METTL24: variants seen among roughly 807,000 people sequenced by gnomAD.
METTL24 encodes probable methyltransferase-like protein 24.
Under a neutral mutation model 32.7 loss-of-function variants are expected in METTL24, and 29 were observed. That is an observed-to-expected ratio of 0.89 (90% CI 0.66 to 1.21). The LOEUF (loss-of-function observed/expected upper bound fraction) is 1.21. Ranked by LOEUF, METTL24 falls within the 50% of genes most tolerant of loss-of-function variation. METTL24 has a pLI of 0.00. For synonymous variants in METTL24, 163 were observed against 179.5 expected, an observed-to-expected ratio of 0.91 and a Z score of 0.73; for missense variants, 439 against 468.1, an observed-to-expected ratio of 0.94 and a Z score of 0.57.
intron 2 of METTL24, among the ~76,000 whole-genome samples, chr6:110,318,588 G>T (rs552464264): frequency 6.7e-6 from 1 of 148,730 alleles, no homozygotes; most frequent in South Asian, 2.1e-4. Flanking sequence ...GAGGGCGGAG[G>T]TTGCAGTGAG....
intron 1 of METTL24, among the ~76,000 whole-genome samples, chr6:110,348,245 C>G (rs967373915): frequency 6.6e-6 from 1 of 152,166 alleles, no homozygotes; most frequent in African/African-American, 2.4e-5. Flanking sequence ...GGAAGAAACT[C>G]AAGTTCAGAG....
intron 4 of METTL24, among the ~76,000 whole-genome samples, chr6:110,249,557 CA>C (rs1778235290): frequency 6.6e-6 from 1 of 152,036 alleles, no homozygotes; most frequent in Non-Finnish European, 1.5e-5. Flanking sequence ...TAAAACGTCC[CA>C]TTACTGCAAT....
chr6:110,328,194 C>T (rs1236241161), intron 1 of METTL24, among the ~76,000 whole-genome samples: 1 of 152,120 alleles, frequency 6.6e-6, no homozygotes, highest in Non-Finnish European at 1.5e-5. Context: ...TACAGAGGGG[C>T]CTGCCCCACC....
At chr6:110,305,105 T>C (rs1421210925) in intron 3 of METTL24, among the ~76,000 whole-genome samples, 1 of 152,170 alleles carries the variant, frequency 6.6e-6, no homozygotes, top group East Asian at 1.9e-4. Flanking sequence ...GGCAAGGAAA[T>C]ACTGAGGTAT....
chr6:110,315,487 A>C lies in METTL24; in HGVS notation c.418-6T>G. On this transcript the variant is annotated splice_polypyrimidine_tract_variant and splice_region_variant and intron_variant, in intron 2 of 4. Transcript: ENST00000338882. ...TTCATGTGATTGCATGCAATCTGTAAAGATTGGAAATCAATGTGAATAATT... is the reference window on the plus strand; with the variant it reads ...TTCATGTGATTGCATGCAATCTGTACAGATTGGAAATCAATGTGAATAATT... 1 of 1,613,376 alleles carries C rather than the reference A, an allele frequency of 6.2e-7. No homozygotes were observed. The highest frequency in any genetic ancestry group is 1.1e-5 in the South Asian group (1 of 90,830).
intron 4 of METTL24, among the ~76,000 whole-genome samples, chr6:110,286,987 T>C (rs1161353583): frequency 6.6e-6 from 1 of 152,164 alleles, no homozygotes; most frequent in Non-Finnish European, 1.5e-5. Flanking sequence ...TGTGAGTTAA[T>C]ACTTAATAAG....
At chr6:110,299,198 A>G in intron 3 of METTL24, 48 bp from the exon 4 acceptor site, 2 of 1,541,812 alleles carry the variant, frequency 1.3e-6, no homozygotes, top group Non-Finnish European at 1.8e-6. Flanking sequence ...GCAATGAAGC[A>G]AAGTGTTGGA....
chr6:110,282,203 T>C (rs1208947395), intron 4 of METTL24, among the ~76,000 whole-genome samples: 1 of 152,102 alleles, frequency 6.6e-6, no homozygotes, highest in East Asian at 1.9e-4. Flanking sequence ...ATCCAGAAAA[T>C]TGGCGCTCTT....
chr6:110,311,464 C>CTTTTT (rs1344647082), intron 3 of METTL24, among the ~76,000 whole-genome samples: 1 of 123,712 alleles, frequency 8.1e-6, no homozygotes, highest in Admixed American at 8.2e-5. Flanking sequence ...TCTTTTCTTT[C>CTTTTT]TTTGTTTTTT....
chr6:110,357,876 A>C, intron 1 of METTL24, 79 bp downstream of exon 1: 1 of 802,726 alleles, frequency 1.2e-6, no homozygotes, highest in Non-Finnish European at 1.6e-6. Flanking sequence ...GGCCTGCGGG[A>C]CCTGAGCGCC....
intron 3 of METTL24, among the ~76,000 whole-genome samples, chr6:110,302,802 T>C (rs1468278890): frequency 6.6e-6 from 1 of 152,188 alleles, no homozygotes; most frequent in Non-Finnish European, 1.5e-5. Context: ...TAGTTGCTTA[T>C]AATTAAACAA....
rs182710519 is a variant in METTL24, at chr6:110,277,348, G to T, written c.786+21574C>A. 1.1e-4 allele frequency among the ~76,000 whole-genome samples: 17 copies of T among 152,298 alleles called. 1 individual carries two copies. Among genetic ancestry groups the T allele is most frequent in the Admixed American group, 9.2e-4 (14 of 15,292 alleles). ...GTTACAGGGAAAAGAATTGGAAAGA[G>T]CTCAGACTTCATTATATACAAGAAT... On this transcript the variant is annotated intron_variant, in intron 4 of 4. Coordinates refer to ENST00000338882, the MANE Select transcript of METTL24 (RefSeq NM_001123364.3).
chr6:110,274,984 A>G (rs1286708889), intron 4 of METTL24, among the ~76,000 whole-genome samples: 2 of 151,336 alleles, frequency 1.3e-5, no homozygotes, highest in East Asian at 4.0e-4. Flanking sequence ...TTTTTTGTAG[A>G]GACGGGGCTT....
At position 110,304,834 on chromosome 6, in the gene METTL24, C is replaced by G. The variant is rs983688545; in HGVS notation, c.558-5684G>C. On this transcript the variant is annotated intron_variant, in intron 3 of 4. Transcript: ENST00000338882. ...CCACAAAGATACTCTTTGAGAAGAG[C>G]AACGCCAAGACACATAATCATCAGA... 5.3e-5 allele frequency among the ~76,000 whole-genome samples: 8 copies of G among 152,132 alleles called. 1 individual carries two copies. The highest frequency in any genetic ancestry group is 1.9e-4 in the African/African-American group (8 of 41,414).
At position 110,299,031 on chromosome 6, in the gene METTL24, T is replaced by A. The variant is rs1255736949; in HGVS notation, c.677A>T (p.His226Leu). ...ATCCCGCCAGTCAATGGACAAGCGG[T>A]GATACCAAAGGTGCTGACTCTCCAG... Reference protein sequence around the residue: ...HILESQHLWYHRLSIDWRDPH... With the variant: ...HILESQHLWYLRLSIDWRDPH... Residue 226 changes from histidine (H) to leucine (L), a missense_variant, in exon 4 of 5, where the codon CAC (histidine) becomes CTC (leucine). Transcript: ENST00000338882. 1 of 1,614,190 alleles carries A rather than the reference T, an allele frequency of 6.2e-7. No homozygotes were observed. The highest frequency in any genetic ancestry group is 1.7e-5 in the Admixed American group (1 of 60,026).
intron 3 of METTL24, among the ~76,000 whole-genome samples, chr6:110,300,978 T>C (rs1771507708): frequency 6.6e-6 from 1 of 152,220 alleles, no homozygotes; most frequent in Admixed American, 6.5e-5. Context: ...CACCATTTTA[T>C]ATCCAGGACT....
chr6:110,320,181 T>C (rs1771906930), intron 2 of METTL24, among the ~76,000 whole-genome samples: 1 of 152,204 alleles, frequency 6.6e-6, no homozygotes, highest in South Asian at 2.1e-4. Flanking sequence ...TATTTCTTAA[T>C]GTTAAAAAGC....
chr6:110,338,935 T>G (rs1772293510), intron 1 of METTL24, among the ~76,000 whole-genome samples: 1 of 152,202 alleles, frequency 6.6e-6, no homozygotes, highest in African/African-American at 2.4e-5. Context: ...AAGGTGAAGA[T>G]GAAAACAGTG....
At chr6:110,253,437 G>A (rs1778321077) in intron 4 of METTL24, among the ~76,000 whole-genome samples, 1 of 152,142 alleles carries the variant, frequency 6.6e-6, no homozygotes, top group Non-Finnish European at 1.5e-5. Context: ...TAGATAACTA[G>A]AACAGAGACT....
Sources: gnomAD v4.1 joint callset for allele counts (sites outside exome capture counted in the v4.1 genomes callset) on GRCh38, gnomAD v4.1.1 for gene constraint, MANE v1.5 for transcripts, NCBI Gene and HGNC (gene_info 2026-07-23, HGNC 2026-07-21) for gene names.